Variants in DROSHA observed in about 807,000 individuals in gnomAD.
DROSHA encodes the protein ribonuclease 3.
DROSHA carries 56 observed loss-of-function variants against 181.9 expected under a neutral mutation model. The ratio of observed to expected loss-of-function variants is 0.31; its 90% CI spans 0.25 to 0.38. The LOEUF (loss-of-function observed/expected upper bound fraction) is 0.38, where lower values mean the gene tolerates loss of function less well. DROSHA is among the 10% of genes least tolerant of loss of function. DROSHA has a pLI of 1.00. For synonymous variants in DROSHA, 524 were observed against 591.2 expected, an observed-to-expected ratio of 0.89 and a Z score of 1.65; for missense variants, 1,218 against 1,743.5, an observed-to-expected ratio of 0.70 and a Z score of 5.37.
Position 31,493,936 on chromosome 5 carries a change from ATTGTGT to A in DROSHA, c.1756-649_1756-644del, listed in dbSNP as rs1391281235. Reference sequence around the variant, plus strand: ...CCTTATGCCATTCTTATAACCCACCATTGTGTGTGTGTGTGTGTGTGTGTGTGTGTG... The same window carrying A: ...CCTTATGCCATTCTTATAACCCACCAGTGTGTGTGTGTGTGTGTGTGTGTG... On this transcript the variant is annotated intron_variant, in intron 12 of 35. Transcript: ENST00000344624. Among the ~76,000 whole-genome samples, 132 of 127,708 alleles carry A rather than the reference ATTGTGT, an allele frequency of 1.0e-3. 4 individuals are homozygous for A. Among genetic ancestry groups the A allele is most frequent in the South Asian group, 0.01 (39 of 3,782 alleles). 83.8% of individuals were successfully genotyped at this position (127,708 alleles called of 152,430 possible).
chr5:31,472,802 G>C (rs1458148761), intron 16 of DROSHA, among the ~76,000 whole-genome samples: 1 of 152,208 alleles, frequency 6.6e-6, no homozygotes, highest in African/African-American at 2.4e-5. Context: ...AGATCATTAT[G>C]GAGTTAGTAC....
intron 5 of DROSHA, among the ~76,000 whole-genome samples, chr5:31,525,272 G>A (rs1278493282): frequency 6.9e-6 from 1 of 144,578 alleles, no homozygotes; most frequent in East Asian, 2.1e-4. Flanking sequence ...AGAGGTTGTA[G>A]TGAGCCGAGA....
At chr5:31,487,818 T>C (rs974884949) in intron 13 of DROSHA, among the ~76,000 whole-genome samples, 8 of 152,214 alleles carry the variant, frequency 5.3e-5, no homozygotes, top group Admixed American at 4.6e-4. Flanking sequence ...ATTATCATTT[T>C]TAAGTTCTAC....
chr5:31,408,966 C>T (rs1740981654), intron 33 of DROSHA, 90 bp downstream of exon 33: 3 of 1,223,888 alleles, frequency 2.5e-6, no homozygotes, highest in Non-Finnish European at 3.5e-6. Context: ...GTCATGATCA[C>T]CCCACAATGA....
chr5:31,522,028 T>C (rs1027117501), intron 5 of DROSHA, among the ~76,000 whole-genome samples: 3 of 152,192 alleles, frequency 2.0e-5, no homozygotes, highest in Admixed American at 1.3e-4. Flanking sequence ...ATTAAAATGT[T>C]TGAACTCAAA....
At chr5:31,531,704 G>C (rs941211532) in intron 1 of DROSHA, among the ~76,000 whole-genome samples, 179 bp from the exon 2 acceptor site, 7 of 152,230 alleles carry the variant, frequency 4.6e-5, no homozygotes, top group African/African-American at 1.7e-4. Context: ...CGCCCCACGA[G>C]GCAGGCGCTG....
chr5:31,441,929 T>C (rs971644773), intron 23 of DROSHA, among the ~76,000 whole-genome samples: 2 of 152,190 alleles, frequency 1.3e-5, no homozygotes, highest in African/African-American at 4.8e-5. Flanking sequence ...GGACAAACCA[T>C]ATTTGGATGT....
At chr5:31,408,894 T>A in intron 33 of DROSHA, 162 bp downstream of exon 33, 1 of 606,946 alleles carries the variant, frequency 1.6e-6, no homozygotes, top group Non-Finnish European at 2.9e-6. Flanking sequence ...AGAGCCCCAG[T>A]GAGTTTCCCT....
At chr5:31,410,382 C>G (rs1018333218) in intron 31 of DROSHA, among the ~76,000 whole-genome samples, 6 of 152,098 alleles carry the variant, frequency 3.9e-5, no homozygotes, top group Non-Finnish European at 8.8e-5. Flanking sequence ...AATAAATTAC[C>G]CTTCTTTCTT....
At chr5:31,498,964 T>C (rs1753302633) in intron 11 of DROSHA, among the ~76,000 whole-genome samples, 1 of 152,160 alleles carries the variant, frequency 6.6e-6, no homozygotes, top group Non-Finnish European at 1.5e-5. Context: ...GACATGGGGC[T>C]GTGCCACGCA....
chr5:31,434,308 G>A (rs950927010), intron 25 of DROSHA, among the ~76,000 whole-genome samples: 3 of 152,190 alleles, frequency 2.0e-5, no homozygotes, highest in African/African-American at 7.2e-5. Flanking sequence ...AATAAGGAAT[G>A]GAGTGACTAC....
At position 31,526,701 on chromosome 5, in the gene DROSHA, A is replaced by T. The variant is rs765422251; in HGVS notation, c.232T>A (p.Phe78Ile). The T allele has an allele frequency of 3.8e-5, 59 of 1,540,232 alleles. No individual in the cohort carries two copies. Among genetic ancestry groups the T allele is most frequent in the Admixed American group, 1.3e-4 (6 of 47,372 alleles). The change falls in exon 5 of 36, where the codon TTT becomes ATT. Residue 78 changes from phenylalanine to isoleucine, a missense_variant. This residue lies in a region of DROSHA where 536 missense variants were observed against 535.4 expected (regional missense o/e 1.00). Transcript: ENST00000344624. ...GGCATGGGTGGGGGGAAGGGTACAAAGTCTGGTCGTGGAGGGAGAAAATTG... is the reference window on the plus strand; with the variant it reads ...GGCATGGGTGGGGGGAAGGGTACAATGTCTGGTCGTGGAGGGAGAAAATTG... ...APNFLPPRPD[F>I]VPFPPPMPPS...
chr5:31,495,141 C>T (rs954496851), intron 12 of DROSHA, 145 bp downstream of exon 12: 4 of 853,606 alleles, frequency 4.7e-6, no homozygotes, highest in Middle Eastern at 3.5e-4. Flanking sequence ...GAAACGTCAT[C>T]GTGAGAAAGG....
chr5:31,490,833 A>G (rs1277029851), intron 13 of DROSHA, among the ~76,000 whole-genome samples: 1 of 152,170 alleles, frequency 6.6e-6, no homozygotes, highest in Non-Finnish European at 1.5e-5. Context: ...TTAAAACTCT[A>G]TTTTTATCAA....
chr5:31,405,767 C>A (rs1358846906), intron 34 of DROSHA, 44 bp from the exon 35 acceptor site: 287 of 469,106 alleles, frequency 6.1e-4, no homozygotes, highest in Non-Finnish European at 8.1e-4. Flanking sequence ...TTTCAAGATT[C>A]TTTTTTTTTT....
rs1395622001 is a variant in DROSHA at position 31,483,516 on chromosome 5, A to G, written c.2071+38T>C. ...AAATGGCAAGCTTATTTTCAGATGC[A>G]CTATCTCACCAGGTCACTGACAAGC... On this transcript the variant is annotated intron_variant, in intron 16 of 35. Transcript: ENST00000344624. The G allele has an allele frequency of 1.9e-6, 3 of 1,597,554 alleles. No individual in the cohort carries two copies. In the African/African-American group the frequency reaches 4.0e-5, roughly 21 times the overall value.
rs548824117 is a variant in DROSHA, at chr5:31,456,499, C to G, written c.2575-4859G>C. On this transcript the variant is annotated intron_variant, in intron 20 of 35. Transcript: ENST00000344624. Reference sequence around the variant, plus strand: ...ACACACACACACACACACACAGACACACACACACAGAGAGAGGAAGAGAAG... The same window carrying G: ...ACACACACACACACACACACAGACAGACACACACAGAGAGAGGAAGAGAAG... Among the ~76,000 whole-genome samples, 13 of 141,402 alleles carry G rather than the reference C, an allele frequency of 9.2e-5. No individual in the cohort carries two copies. In the South Asian group the frequency reaches 2.8e-3, roughly 31 times the overall value. The allele number at this position is 141,402 out of a possible 152,430, so 92.8% of individuals were successfully genotyped here.
At position 31,424,252 on chromosome 5, in the gene DROSHA, A is replaced by T. The variant is rs181569521; in HGVS notation, c.3261+175T>A. On this transcript the variant is annotated intron_variant, in intron 28 of 35. Coordinates refer to ENST00000344624, the MANE Select transcript of DROSHA (RefSeq NM_001382508.1). ...ATTCCAGACCACATAAACACAATGC[A>T]TGGGTTCATTCTCCTATTGTTCCAA... 2.0e-5 allele frequency among the ~76,000 whole-genome samples: 3 copies of T among 152,286 alleles called. No homozygotes were observed. The East Asian group carries it at 5.8e-4, about 29-fold the overall frequency.
At chr5:31,483,809 G>T (rs1315620262) in intron 15 of DROSHA, among the ~76,000 whole-genome samples, 181 bp from the exon 16 acceptor site, 2 of 152,104 alleles carry the variant, frequency 1.3e-5, no homozygotes, top group East Asian at 1.9e-4. Flanking sequence ...ATTGGTAACT[G>T]CCACAAGCAC....
Sources: allele counts gnomAD v4.1 joint callset (sites outside exome capture counted in the v4.1 genomes callset), GRCh38; gene constraint gnomAD v4.1.1; regional missense constraint gnomAD v4.1.1; transcripts MANE v1.5; gene names NCBI Gene and HGNC (gene_info 2026-07-23, HGNC 2026-07-21).